Variants in DACH2 observed in about 807,000 individuals in gnomAD.
DACH2 encodes dachshund family transcription factor 2.
DACH2 carries 17 observed loss-of-function variants against 35.8 expected under a neutral mutation model. The observed-to-expected ratio is 0.48, with a 90% CI of 0.33 to 0.71. DACH2 has a LOEUF of 0.71. Ranked by LOEUF, DACH2 falls within the 30% of genes least tolerant of loss-of-function variation. The pLI is 0.02. For missense variants in DACH2, 469 were observed against 472.7 expected (o/e 0.99, Z 0.07); for synonymous variants, 195 against 177.3 (o/e 1.10, Z -0.79).
At chrX:86,205,482 C>CTCCTTCCT (rs1225519893) in intron 1 of DACH2, among the ~76,000 whole-genome samples, 1 of 43,460 alleles carries the variant, frequency 2.3e-5, no homozygotes, top group Non-Finnish European at 3.7e-5. Context: ...CCCTCCTTCC[C>CTCCTTCCT]TCCTTCCCTC....
chrX:86,556,755 T>G (rs1415651950), intron 3 of DACH2, among the ~76,000 whole-genome samples: 3 of 19,282 alleles, frequency 1.6e-4, no homozygotes, highest in African/African-American at 7.8e-4. Flanking sequence ...CAATAGGATA[T>G]GTATATATAT....
intron 1 of DACH2, among the ~76,000 whole-genome samples, chrX:86,306,610 G>T (rs868743147): frequency 2.7e-5 from 3 of 111,688 alleles, no homozygotes; most frequent in Middle Eastern, 4.7e-3. Context: ...AAGGCAAGAC[G>T]ACCCTAGCCT....
At chrX:86,782,158 G>A (rs2042095100) in intron 7 of DACH2, among the ~76,000 whole-genome samples, 1 of 111,774 alleles carries the variant, frequency 8.9e-6, no homozygotes, top group Admixed American at 9.5e-5. Context: ...ATAACGAAAA[G>A]TATCAAATGC....
In DACH2 at chrX:86,759,982, G is replaced by T. The variant is rs533592243; in HGVS notation, c.1240+20100G>T. 6.3e-5 allele frequency among the ~76,000 whole-genome samples: 7 copies of T among 111,980 alleles called. No homozygotes were observed. The South Asian group carries it at 2.6e-3, about 41-fold the overall frequency. Reference sequence around the variant, plus strand: ...AATATATGAAGTATAACTTTGCTGAGTATAGTATCCTTGAATGGCATTATT... The same window carrying T: ...AATATATGAAGTATAACTTTGCTGATTATAGTATCCTTGAATGGCATTATT... On this transcript the variant is annotated intron_variant, in intron 7 of 11. Coordinates refer to ENST00000373125, the MANE Select transcript of DACH2 (RefSeq NM_053281.3).
At chrX:86,298,759 G>C in intron 1 of DACH2, among the ~76,000 whole-genome samples, 1 of 112,136 alleles carries the variant, frequency 8.9e-6, no homozygotes, top group East Asian at 2.8e-4. Flanking sequence ...AAAGGTTTCA[G>C]AGTTCAGGTC....
chrX:86,560,449 G>A lies in DACH2; in HGVS notation c.640+46058G>A, dbSNP rs945269260. ...GTTGCTCTTCTTGAGGAGTATCTTTGTGGCGTTCTCTGTATTTCCTGAATC... is the reference window on the plus strand; with the variant it reads ...GTTGCTCTTCTTGAGGAGTATCTTTATGGCGTTCTCTGTATTTCCTGAATC... On this transcript the variant is annotated intron_variant, in intron 3 of 11. Coordinates refer to ENST00000373125, the MANE Select transcript of DACH2 (RefSeq NM_053281.3). Among the ~76,000 whole-genome samples, 5 of 101,319 alleles carry A rather than the reference G, an allele frequency of 4.9e-5. No individual in the cohort carries two copies. In the South Asian group the frequency reaches 2.4e-3, roughly 48 times the overall value. 88.0% of individuals were successfully genotyped at this position (101,319 alleles called of 115,157 possible).
At chrX:86,382,199 C>G (rs1157007498) in intron 2 of DACH2, among the ~76,000 whole-genome samples, 4 of 108,885 alleles carry the variant, frequency 3.7e-5, no homozygotes, top group Admixed American at 9.9e-5. Flanking sequence ...TCCTGAGACA[C>G]GTGCCCCCTT....
At chrX:86,652,777 A>G (rs5923580) in intron 4 of DACH2, among the ~76,000 whole-genome samples, 1 of 110,651 alleles carries the variant, frequency 9.0e-6, no homozygotes, top group Non-Finnish European at 1.9e-5. Flanking sequence ...TACTTTGCCC[A>G]CATTTGAACA....
chrX:86,819,094 T>C (rs768057154), intron 11 of DACH2, among the ~76,000 whole-genome samples: 3 of 107,926 alleles, frequency 2.8e-5, no homozygotes, highest in Non-Finnish European at 5.7e-5. Context: ...GCTTGGTTAT[T>C]TCATGTCTTT....
chrX:86,283,744 G>C (rs183236130), intron 1 of DACH2, among the ~76,000 whole-genome samples: 4 of 108,490 alleles, frequency 3.7e-5, no homozygotes, highest in Non-Finnish European at 7.6e-5. Flanking sequence ...GGGACTGGGT[G>C]GGGGATAGCA....
At chrX:86,214,860 A>C in intron 1 of DACH2, among the ~76,000 whole-genome samples, 1 of 111,785 alleles carries the variant, frequency 8.9e-6, no homozygotes, top group South Asian at 3.7e-4. Flanking sequence ...TATCATGTAC[A>C]AGATAAAGGG....
intron 1 of DACH2, among the ~76,000 whole-genome samples, chrX:86,165,770 T>C (rs2030922580): frequency 1.8e-5 from 2 of 111,438 alleles, no homozygotes; most frequent in Admixed American, 1.9e-4. Context: ...TATTTTCTTC[T>C]ATTTTGTGGG....
At chrX:86,645,349 C>G (rs2040402055) in intron 3 of DACH2, among the ~76,000 whole-genome samples, 1 of 109,631 alleles carries the variant, frequency 9.1e-6, no homozygotes, top group Non-Finnish European at 1.9e-5. Context: ...AAATGCAAAT[C>G]AAAATTAAAA....
Position 86,285,710 on chromosome X carries a change from A to G in DACH2, c.489-91114A>G, listed in dbSNP as rs148746050. Among the ~76,000 whole-genome samples, 37 of 111,977 alleles carry G rather than the reference A, an allele frequency of 3.3e-4. No homozygotes were observed. In the East Asian group the frequency reaches 9.8e-3, roughly 30 times the overall value. ...TATAAGTGCAGATTATGTCCATTCA[A>G]TATTTCTTTGTTGATATTCTGTCTG... On this transcript the variant is annotated intron_variant, in intron 1 of 11. Transcript: ENST00000373125.
chrX:86,416,725 G>T (rs777397468), intron 2 of DACH2, among the ~76,000 whole-genome samples: 1 of 110,875 alleles, frequency 9.0e-6, no homozygotes, highest in African/African-American at 3.3e-5. Flanking sequence ...GTGGCAGAAG[G>T]CAAAGGGGAG....
At chrX:86,217,740 C>T (rs2032611555) in intron 1 of DACH2, among the ~76,000 whole-genome samples, 1 of 111,201 alleles carries the variant, frequency 9.0e-6, no homozygotes, top group East Asian at 2.8e-4. Flanking sequence ...AAAAGAAATA[C>T]TAGTACTTAA....
intron 3 of DACH2, among the ~76,000 whole-genome samples, chrX:86,581,596 A>T: frequency 9.0e-6 from 1 of 111,289 alleles, no homozygotes; most frequent in Middle Eastern, 4.6e-3. Flanking sequence ...GTAATTTTAC[A>T]AAAAGCAGAT....
intron 1 of DACH2, among the ~76,000 whole-genome samples, chrX:86,296,596 A>G (rs1453346020): frequency 9.0e-6 from 1 of 110,867 alleles, no homozygotes; most frequent in African/African-American, 3.3e-5. Flanking sequence ...TTTTTTCATT[A>G]TTAGACCCTC....
chrX:86,724,588 G>A (rs753680926), intron 6 of DACH2, among the ~76,000 whole-genome samples: 32 of 111,434 alleles, frequency 2.9e-4, no homozygotes, highest in Non-Finnish European at 4.9e-4. Context: ...CTTTATAGAC[G>A]ACTAGATGTT....
Sources: allele counts gnomAD v4.1 joint callset (sites outside exome capture counted in the v4.1 genomes callset), GRCh38; gene constraint gnomAD v4.1.1; transcripts MANE v1.5; gene names NCBI Gene and HGNC (gene_info 2026-07-23, HGNC 2026-07-21).